Variants in NBPF6 observed in about 807,000 individuals in gnomAD.
NBPF6 encodes the protein NBPF family member NBPF6.
A neutral mutation model predicts 20.8 loss-of-function variants in NBPF6; 2 were observed. The ratio of observed to expected loss-of-function variants is 0.10; its 90% confidence interval spans 0.04 to 0.30. The LOEUF (loss-of-function observed/expected upper bound fraction) is 0.30, where lower values mean the gene tolerates loss of function less well. Among genes scored for constraint, NBPF6 ranks in the 10% least tolerant of loss-of-function variants. The pLI, the probability that NBPF6 is intolerant of heterozygous loss-of-function variation, is 1.00. For synonymous variants in NBPF6, 24 were observed against 100.0 expected (o/e 0.24, Z 4.53); for missense variants, 85 against 260.3 (o/e 0.33, Z 4.63).
rs1653218055 is a variant in NBPF6, at chr1:108,467,712, G to A, written c.1875+47G>A. 2.6e-6 allele frequency: 4 copies of A among 1,547,008 alleles called. No individual in the cohort carries two copies. In the African/African-American group the frequency reaches 5.5e-5, roughly 21 times the overall value. ...AGCTGCACTCACTTCTTATTTCTCT[G>A]TCTATGGTGACAGCTCATTCTCTCA... On this transcript the variant is annotated intron_variant, in intron 14 of 14. Coordinates refer to ENST00000495380, the MANE Select transcript of NBPF6 (RefSeq NM_001143988.2).
chr1:108,465,280 C>G lies in NBPF6; in HGVS notation c.1516C>G (p.Pro506Ala). 17 of 1,193,518 alleles carry G rather than the reference C, an allele frequency of 1.4e-5. 7 individuals are homozygous for G. Among genetic ancestry groups the G allele is most frequent in the Non-Finnish European group, 1.9e-5 (17 of 880,890 alleles). 73.9% of individuals were successfully genotyped at this position (1,193,518 alleles called of 1,614,324 possible). A position where few individuals can be genotyped will look rare whatever the true frequency, so the allele number is the denominator to read the frequency against. ...TCAAATTTCACAGGCACAGCTGGAACCAAGCACCCTGGTGCCCAGTTGTCT... is the reference window on the plus strand; with the variant it reads ...TCAAATTTCACAGGCACAGCTGGAAGCAAGCACCCTGGTGCCCAGTTGTCT... Reference protein sequence around the residue: ...EVQISQAQLEPSTLVPSCLRL... With the variant: ...EVQISQAQLEASTLVPSCLRL... The change falls in exon 13 of 15, where the codon CCA becomes GCA. Residue 506 changes from proline (P) to alanine (A), a missense_variant. This residue lies in a region of NBPF6 where 43 missense variants were observed against 97.3 expected (regional missense o/e 0.44). Coordinates refer to ENST00000495380, the MANE Select transcript of NBPF6 (RefSeq NM_001143988.2).
chr1:108,429,783 C>CA, the NBPF6 span, among the ~76,000 whole-genome samples: 1 of 101,674 alleles, frequency 9.8e-6, no homozygotes, highest in Non-Finnish European at 2.2e-5. Flanking sequence ...CATGTGACAC[C>CA]AAAAAAAATG....
rs201618980 is a variant in NBPF6, at chr1:108,467,608, G to A, written c.1818G>A (p.Pro606=). 0.064 allele frequency: 96,983 copies of A among 1,512,978 alleles called. 179 individuals are homozygous for A. Among genetic ancestry groups the A allele is most frequent in the East Asian group, 0.15 (5,649 of 37,884 alleles). 93.7% of individuals were successfully genotyped at this position (1,512,978 alleles called of 1,614,324 possible). The change falls in exon 14 of 15, where the codon CCG becomes CCA. Residue 606 remains proline, a synonymous_variant. Coordinates refer to ENST00000495380, the MANE Select transcript of NBPF6 (RefSeq NM_001143988.2). Reference sequence around the variant, plus strand: ...TGAAGACCATCAGAAGAAGACTCCCGTTCAGCAAGTGGAGACTGGCATTCA... The same window carrying A: ...TGAAGACCATCAGAAGAAGACTCCCATTCAGCAAGTGGAGACTGGCATTCA... ...LILKTIRRRL[P]FSKWRLAFRF...
the NBPF6 span, among the ~76,000 whole-genome samples, chr1:108,434,691 G>C: frequency 2.5e-5 from 2 of 79,164 alleles, no homozygotes; most frequent in Admixed American, 2.4e-4. Flanking sequence ...AGGTCTCACT[G>C]TGTTGTCCAG....
chr1:108,470,683 A>G lies in NBPF6; in HGVS notation c.*45A>G. 1.0e-5 allele frequency: 15 copies of G among 1,497,858 alleles called. No homozygotes were observed. The highest frequency in any genetic ancestry group is 1.3e-5 in the Non-Finnish European group (14 of 1,104,934). 92.8% of individuals were successfully genotyped at this position (1,497,858 alleles called of 1,614,324 possible). On this transcript the variant is annotated 3_prime_UTR_variant, in exon 15 of 15. Transcript: ENST00000495380. ...GCTTTTCCACTTGATAAAAACAACTAAAACAGCAAAGCAAGTTTAAGTCCA... is the reference window on the plus strand; with the variant it reads ...GCTTTTCCACTTGATAAAAACAACTGAAACAGCAAAGCAAGTTTAAGTCCA...
the NBPF6 span, among the ~76,000 whole-genome samples, chr1:108,437,331 G>T: frequency 2.5e-5 from 1 of 40,658 alleles, no homozygotes; most frequent in Non-Finnish European, 6.1e-5. Context: ...ATGGGTCAAA[G>T]AACAAATCAA....
At chr1:108,435,827 G>A in the NBPF6 span, among the ~76,000 whole-genome samples, 1 of 50,768 alleles carries the variant, frequency 2.0e-5, no homozygotes, top group African/African-American at 4.9e-5. Context: ...TGGTAAATAC[G>A]CAGGACCCCC....
intron 14 of NBPF6, 104 bp downstream of exon 14, chr1:108,467,769 C>G: frequency 8.1e-7 from 1 of 1,235,752 alleles, no homozygotes; most frequent in Non-Finnish European, 1.1e-6. Context: ...TTCTCTCCAA[C>G]AGCTGCTCTA....
At chr1:108,436,590 C>A in the NBPF6 span, among the ~76,000 whole-genome samples, 2 of 21,698 alleles carry the variant, frequency 9.2e-5, no homozygotes, top group Admixed American at 7.2e-4. Flanking sequence ...GAGGCTCTGT[C>A]TCAAAAAAAA....
intron 14 of NBPF6, among the ~76,000 whole-genome samples, chr1:108,468,116 A>C (rs1414390654): frequency 6.6e-6 from 1 of 151,318 alleles, no homozygotes; most frequent in African/African-American, 2.4e-5. Context: ...TCTTTTGAGC[A>C]ACACAACTAA....
In NBPF6 at chr1:108,453,407, A is replaced by G. The variant is rs1274769207; in HGVS notation, c.493+12A>G. 1.6e-5 allele frequency: 2 copies of G among 125,114 alleles called. No individual in the cohort carries two copies. The highest frequency in any genetic ancestry group is 2.9e-4 in the Admixed American group (2 of 6,964). The allele number at this position is 125,114 out of a possible 1,614,324, so 7.8% of individuals were successfully genotyped here. A position where few individuals can be genotyped will look rare whatever the true frequency, so the allele number is the denominator to read the frequency against. The stretch of plus-strand genomic sequence containing the variant: ...CAAGCTGAGCCCAGGTAAGGTGGCC[A>G]TGGGCCCTGATGACACACAGCTTCA... On this transcript the variant is annotated intron_variant, in intron 4 of 14. Coordinates refer to ENST00000495380, the MANE Select transcript of NBPF6 (RefSeq NM_001143988.2).
the NBPF6 span, among the ~76,000 whole-genome samples, chr1:108,426,938 G>GA: frequency 1.2e-4 from 2 of 16,514 alleles, no homozygotes; most frequent in Admixed American, 6.3e-4. Flanking sequence ...AAATATCTAA[G>GA]AAAAAAAAAC....
chr1:108,459,610 G>T (rs1250422128), intron 9 of NBPF6, among the ~76,000 whole-genome samples: 2 of 68,684 alleles, frequency 2.9e-5, no homozygotes, highest in Non-Finnish European at 6.1e-5. Flanking sequence ...AGAAAGGAAT[G>T]AAACCACTGT....
At chr1:108,429,529 T>C in the NBPF6 span, among the ~76,000 whole-genome samples, 1 of 118,770 alleles carries the variant, frequency 8.4e-6, no homozygotes, top group South Asian at 2.5e-4. Flanking sequence ...GTTGTCTCTT[T>C]GTTCCCATTG....
In NBPF6 at chr1:108,471,094, A is replaced by T. The variant is rs1459667222; in HGVS notation, c.*456A>T. ...AGGACAACTGACATGTCTCCTTCAA[A>T]CAGTCCATGTCACCACCAAGAAAAC... On this transcript the variant is annotated 3_prime_UTR_variant, in exon 15 of 15. Coordinates refer to ENST00000495380, the MANE Select transcript of NBPF6 (RefSeq NM_001143988.2). 1 of 153,194 alleles carries T rather than the reference A, an allele frequency of 6.5e-6. No individual in the cohort carries two copies. The highest frequency in any genetic ancestry group is 1.5e-5 in the Non-Finnish European group (1 of 68,820). 9.5% of individuals were successfully genotyped at this position (153,194 alleles called of 1,614,324 possible).
the NBPF6 span, among the ~76,000 whole-genome samples, chr1:108,438,139 GAAAT>G: frequency 1.1e-4 from 7 of 61,404 alleles, no homozygotes; most frequent in East Asian, 1.8e-3. Flanking sequence ...AGAGAAGAGT[GAAAT>G]AAATAGCATC....
At position 108,470,847 on chromosome 1, in the gene NBPF6, A is replaced by C. The variant is rs1336074271; in HGVS notation, c.*209A>C. On this transcript the variant is annotated 3_prime_UTR_variant, in exon 15 of 15. Coordinates refer to ENST00000495380, the MANE Select transcript of NBPF6 (RefSeq NM_001143988.2). ...CCAATTGTGATCAACACCTAGGGAG[A>C]CCAATGCCCAGATGGACAAATAGCA... 3 of 431,508 alleles carry C rather than the reference A, an allele frequency of 7.0e-6. No homozygotes were observed. Among genetic ancestry groups the C allele is most frequent in the African/African-American group, 6.2e-5 (3 of 48,152 alleles). The allele number at this position is 431,508 out of a possible 1,614,324, so 26.7% of individuals were successfully genotyped here. A position where few individuals can be genotyped will look rare whatever the true frequency, so the allele number is the denominator to read the frequency against.
intron 12 of NBPF6, 131 bp from the exon 13 acceptor site, chr1:108,465,057 G>A: frequency 2.8e-6 from 1 of 353,302 alleles, no homozygotes; most frequent in South Asian, 2.4e-5. Flanking sequence ...GCATTTACAT[G>A]ATGTCTGTCT....
chr1:108,471,904 C>T lies in NBPF6; in HGVS notation c.*1266C>T, dbSNP rs951113605. On this transcript the variant is annotated 3_prime_UTR_variant, in exon 15 of 15. Transcript: ENST00000495380. ...AGATTAATAAAAACATTCTTATTTA[C>T]CTGTTTATATTCTAAAGTATTCCAT... is the stretch of plus-strand genomic sequence containing the variant. Among the ~76,000 whole-genome samples the T allele has an allele frequency of 6.6e-6, 1 of 151,998 alleles. No homozygotes were observed. Among genetic ancestry groups the T allele is most frequent in the Non-Finnish European group, 1.5e-5 (1 of 67,988 alleles).
Sources: gnomAD v4.1 joint callset for allele counts (sites outside exome capture counted in the v4.1 genomes callset) on GRCh38, gnomAD v4.1.1 for gene constraint, gnomAD v4.1.1 regional missense constraint, MANE v1.5 for transcripts, NCBI Gene and HGNC (gene_info 2026-07-23, HGNC 2026-07-21) for gene names.